ZMIZ1: variants seen among roughly 807,000 people sequenced by gnomAD.
ZMIZ1 encodes zinc finger MIZ-type containing 1.
Under a neutral mutation model 113.9 loss-of-function variants are expected in ZMIZ1, and 17 were observed. That is an observed-to-expected ratio of 0.15 (90% confidence interval 0.10 to 0.22). The LOEUF (loss-of-function observed/expected upper bound fraction) is 0.22, where lower values mean the gene tolerates loss of function less well. ZMIZ1 is among the 10% of genes least tolerant of loss of function. ZMIZ1 has a pLI of 1.00. For synonymous variants in ZMIZ1, 607 were observed against 603.1 expected, an observed-to-expected ratio of 1.01 and a Z score of -0.09; for missense variants, 1,059 against 1,477.8, an observed-to-expected ratio of 0.72 and a Z score of 4.65.
chr10:79,302,680 G>T (rs1854386044), intron 18 of ZMIZ1, among the ~76,000 whole-genome samples: 6 of 76,786 alleles, frequency 7.8e-5, no homozygotes, highest in South Asian at 5.2e-4. Context: ...AACAGCTCAT[G>T]CTTTTTTTTT....
At chr10:79,312,517 CT>C in intron 24 of ZMIZ1, 124 bp from the exon 25 acceptor site, 30 of 1,000,346 alleles carry the variant, frequency 3.0e-5, no homozygotes, top group Non-Finnish European at 4.2e-5. Flanking sequence ...TTCTCTACCC[CT>C]TTTTTTGGCT....
At chr10:79,234,901 G>C (rs1469550500) in intron 7 of ZMIZ1, among the ~76,000 whole-genome samples, 1 of 152,240 alleles carries the variant, frequency 6.6e-6, no homozygotes, top group Non-Finnish European at 1.5e-5. Context: ...GTCTTCACTG[G>C]GGGAGAGGGG....
In ZMIZ1 at chr10:79,313,803, G is replaced by A. The variant is rs1031111133; in HGVS notation, c.*1054G>A. 3 of 344,070 alleles carry A rather than the reference G, an allele frequency of 8.7e-6. No homozygotes were observed. Among genetic ancestry groups the A allele is most frequent in the African/African-American group, 4.3e-5 (2 of 46,508 alleles). The allele number at this position is 344,070 out of a possible 1,614,324, so 21.3% of individuals were successfully genotyped here. ...CTCCTGCCACCTCTCCAAGACTTCC[G>A]TGGGACACCCACTTCCCTCTGTCCT... On this transcript the variant is annotated 3_prime_UTR_variant, in exon 25 of 25. Coordinates refer to ENST00000334512, the MANE Select transcript of ZMIZ1 (RefSeq NM_020338.4).
intron 3 of ZMIZ1, among the ~76,000 whole-genome samples, chr10:79,159,183 G>T (rs1050029595): frequency 6.6e-6 from 1 of 152,148 alleles, no homozygotes; most frequent in Non-Finnish European, 1.5e-5. Context: ...ACAAAAGAGC[G>T]CTCCCCTCCA....
chr10:79,302,517 G>A (rs1589604081), intron 18 of ZMIZ1, among the ~76,000 whole-genome samples: 1 of 151,762 alleles, frequency 6.6e-6, no homozygotes. Context: ...CACAGGACAT[G>A]AGGCAGATTA....
chr10:79,141,354 A>G (rs571890745), intron 3 of ZMIZ1, among the ~76,000 whole-genome samples: 160 of 152,226 alleles, frequency 1.1e-3, no homozygotes, highest in Non-Finnish European at 5.7e-4. Flanking sequence ...TAAAAAGTGA[A>G]TAGGTCAGGT....
At chr10:79,246,989 C>T (rs1278340390) in intron 7 of ZMIZ1, among the ~76,000 whole-genome samples, 1 of 152,214 alleles carries the variant, frequency 6.6e-6, no homozygotes, top group African/African-American at 2.4e-5. Flanking sequence ...TTCATTGTGC[C>T]TGCTGCCTGG....
intron 1 of ZMIZ1, among the ~76,000 whole-genome samples, chr10:79,094,269 C>T (rs906612868): frequency 6.6e-6 from 1 of 152,206 alleles, no homozygotes; most frequent in African/African-American, 2.4e-5. Context: ...ATGCCAGGTG[C>T]AGAGCCCACG....
At chr10:79,084,616 C>G (rs986022403) in intron 1 of ZMIZ1, among the ~76,000 whole-genome samples, 1 of 152,220 alleles carries the variant, frequency 6.6e-6, no homozygotes, top group African/African-American at 2.4e-5. Flanking sequence ...GGTGTTGGGA[C>G]TGCTTGACTG....
intron 19 of ZMIZ1, 76 bp downstream of exon 19, chr10:79,304,251 G>A: frequency 5.8e-6 from 9 of 1,550,070 alleles, no homozygotes; most frequent in South Asian, 2.4e-5. Context: ...AGGCAGAGGG[G>A]CAACAGAGCC....
At chr10:79,300,982 G>T in intron 17 of ZMIZ1, 40 bp downstream of exon 17, 1 of 1,600,148 alleles carries the variant, frequency 6.2e-7, no homozygotes, top group East Asian at 2.2e-5. Context: ...GCACAGGCAG[G>T]CCCTGTTTCA....
rs1261341464 is a variant in ZMIZ1 at position 79,229,266 on chromosome 10, G to A, written c.280+12992G>A. Among the ~76,000 whole-genome samples the A allele has an allele frequency of 3.3e-5, 5 of 152,266 alleles. No homozygotes were observed. In the East Asian group the frequency reaches 9.6e-4, roughly 29 times the overall value. On this transcript the variant is annotated intron_variant, in intron 7 of 24. Transcript: ENST00000334512. ...TTCCCCTCACTGGGGACAGGGCGGTGGCCAGGCAGATGGCTGGAGGGAAGC... is the reference window on the plus strand; with the variant it reads ...TTCCCCTCACTGGGGACAGGGCGGTAGCCAGGCAGATGGCTGGAGGGAAGC...
At chr10:79,240,843 G>C (rs1589467342) in intron 7 of ZMIZ1, among the ~76,000 whole-genome samples, 1 of 151,934 alleles carries the variant, frequency 6.6e-6, no homozygotes. Flanking sequence ...CACCAGGTCT[G>C]TCCCCCTCTG....
chr10:79,089,055 GT>G (rs1842911859), intron 1 of ZMIZ1, among the ~76,000 whole-genome samples: 1 of 152,268 alleles, frequency 6.6e-6, no homozygotes, highest in African/African-American at 2.4e-5. Context: ...GTCCGTGGCT[GT>G]TTGTACAAAC....
intron 1 of ZMIZ1, among the ~76,000 whole-genome samples, chr10:79,092,345 G>A (rs530478081): frequency 1.3e-5 from 2 of 152,322 alleles, no homozygotes; most frequent in Admixed American, 6.5e-5. Context: ...CCAGATTGGG[G>A]GTGACCCTAG....
intron 7 of ZMIZ1, among the ~76,000 whole-genome samples, chr10:79,257,359 T>G (rs1186941679): frequency 1.3e-5 from 2 of 152,242 alleles, no homozygotes; most frequent in African/African-American, 4.8e-5. Context: ...CTGGTGCCAC[T>G]GAGGGCCTCA....
intron 14 of ZMIZ1, among the ~76,000 whole-genome samples, chr10:79,298,086 C>T (rs769020325): frequency 7.9e-5 from 12 of 152,140 alleles, no homozygotes; most frequent in Non-Finnish European, 1.8e-4. Context: ...GCTGTCCTGT[C>T]CTCCAAGGGT....
At chr10:79,099,620 T>G (rs1377115876) in intron 1 of ZMIZ1, among the ~76,000 whole-genome samples, 2 of 152,132 alleles carry the variant, frequency 1.3e-5, no homozygotes, top group Non-Finnish European at 2.9e-5. Flanking sequence ...TGAGCCTCCA[T>G]GCCCTGCTTG....
chr10:79,167,916 C>T (rs1215609018), intron 4 of ZMIZ1, among the ~76,000 whole-genome samples: 8 of 152,208 alleles, frequency 5.3e-5, no homozygotes, highest in Non-Finnish European at 8.8e-5. Context: ...AGGTCTCCAG[C>T]GAGTGGAGGA....
Sources: allele counts gnomAD v4.1 joint callset (sites outside exome capture counted in the v4.1 genomes callset), GRCh38; gene constraint gnomAD v4.1.1; transcripts MANE v1.5; gene names NCBI Gene and HGNC (gene_info 2026-07-23, HGNC 2026-07-21).